The following CDH18 variants were observed in gnomAD, a reference collection of about 807,000 sequenced individuals.
The protein encoded by CDH18 is cadherin-18.
Under a neutral mutation model 67.9 loss-of-function variants are expected in CDH18, and 31 were observed. The observed-to-expected ratio is 0.46, with a 90% CI of 0.34 to 0.62. The LOEUF is 0.62. Ranked by LOEUF, CDH18 falls within the 20% of genes least tolerant of loss-of-function variation. CDH18 has a pLI of 0.01. For synonymous variants in CDH18, 362 were observed against 347.2 expected (o/e 1.04, Z -0.48); for missense variants, 890 against 975.5 (o/e 0.91, Z 1.17).
intron 1 of CDH18, chr5:20,305,422 G>C: frequency 6.5e-7 from 1 of 1,526,904 alleles, no homozygotes; most frequent in South Asian, 1.1e-5. Flanking sequence ...ATTCCTATCT[G>C]TCAGTTCCTT....
chr5:19,932,002 TTCAC>T (rs1412125166), intron 2 of CDH18, among the ~76,000 whole-genome samples: 1 of 151,904 alleles, frequency 6.6e-6, no homozygotes, highest in African/African-American at 2.4e-5. Context: ...CTCTGTTCTC[TTCAC>T]TCAATCTTTC....
chr5:19,505,175 G>A (rs1743910561), intron 10 of CDH18, among the ~76,000 whole-genome samples: 1 of 152,082 alleles, frequency 6.6e-6, no homozygotes, highest in East Asian at 1.9e-4. Context: ...TTTGTATCCT[G>A]AGACTTTGCT....
At chr5:19,665,306 AT>A (rs1336971670) in intron 5 of CDH18, among the ~76,000 whole-genome samples, 1 of 152,042 alleles carries the variant, frequency 6.6e-6, no homozygotes, top group African/African-American at 2.4e-5. Context: ...AAGTAAAAGA[AT>A]AATTGGGAAT....
chr5:20,022,317 C>A (rs1393989011), intron 2 of CDH18, among the ~76,000 whole-genome samples: 1 of 152,126 alleles, frequency 6.6e-6, no homozygotes, highest in Non-Finnish European at 1.5e-5. Flanking sequence ...GGTTTGGAAC[C>A]TAATTTGCCA....
chr5:20,217,373 G>A (rs1318326263), intron 2 of CDH18, among the ~76,000 whole-genome samples: 6 of 151,962 alleles, frequency 3.9e-5, no homozygotes, highest in Admixed American at 6.6e-5. Flanking sequence ...GGAAAAAGCA[G>A]AGGTTGAAGT....
At chr5:19,750,146 C>A (rs1268895310) in intron 3 of CDH18, among the ~76,000 whole-genome samples, 3 of 151,906 alleles carry the variant, frequency 2.0e-5, no homozygotes, top group Non-Finnish European at 2.9e-5. Flanking sequence ...AACGGGAAAC[C>A]ATTGTAGTAG....
intron 2 of CDH18, among the ~76,000 whole-genome samples, chr5:20,026,017 T>C (rs1738864145): frequency 6.6e-6 from 1 of 152,228 alleles, no homozygotes; most frequent in South Asian, 2.1e-4. Flanking sequence ...ATTGTCAAAA[T>C]ATGTTAAATA....
At chr5:20,276,321 T>G (rs1204801992) in intron 1 of CDH18, among the ~76,000 whole-genome samples, 2 of 152,114 alleles carry the variant, frequency 1.3e-5, no homozygotes, top group Non-Finnish European at 2.9e-5. Flanking sequence ...TAAAAATAAC[T>G]TTGTCTTGCA....
chr5:20,241,068 A>C (rs1031405265), intron 2 of CDH18, among the ~76,000 whole-genome samples: 5 of 151,978 alleles, frequency 3.3e-5, no homozygotes, highest in Non-Finnish European at 7.3e-5. Context: ...TCATTTCAAA[A>C]ATATGAGAAA....
chr5:19,504,298 A>G (rs905752221), intron 10 of CDH18, among the ~76,000 whole-genome samples: 1 of 152,040 alleles, frequency 6.6e-6, no homozygotes, highest in African/African-American at 2.4e-5. Context: ...CCTTTCCATC[A>G]CTGCTCAAAA....
chr5:20,492,646 G>T (rs1159675678), intron 1 of CDH18, among the ~76,000 whole-genome samples: 1 of 151,862 alleles, frequency 6.6e-6, no homozygotes, highest in Non-Finnish European at 1.5e-5. Flanking sequence ...ATAAGTAAAT[G>T]GTATAATAAG....
intron 3 of CDH18, among the ~76,000 whole-genome samples, chr5:19,747,779 C>T (rs1351314978): frequency 1.3e-5 from 2 of 151,492 alleles, no homozygotes; most frequent in Admixed American, 6.6e-5. Context: ...GAAATCACCT[C>T]TAATATAAAG....
intron 1 of CDH18, among the ~76,000 whole-genome samples, chr5:20,375,516 A>C (rs1743341787): frequency 6.6e-6 from 1 of 152,212 alleles, no homozygotes; most frequent in Admixed American, 6.5e-5. Context: ...AACAAGCAAC[A>C]GTTTATTAAA....
chr5:19,951,348 A>T (rs1795764217), intron 2 of CDH18, among the ~76,000 whole-genome samples: 3 of 152,218 alleles, frequency 2.0e-5, no homozygotes, highest in African/African-American at 4.8e-5. Context: ...TAGAACAAGC[A>T]GGACATCCTT....
intron 12 of CDH18, among the ~76,000 whole-genome samples, chr5:19,482,153 T>C (rs926027173): frequency 6.6e-6 from 1 of 152,118 alleles, no homozygotes; most frequent in Non-Finnish European, 1.5e-5. Flanking sequence ...TCTCACTTTG[T>C]TGCCCAGGCT....
At chr5:20,254,850 C>G (rs1319681656) in intron 2 of CDH18, among the ~76,000 whole-genome samples, 1 of 151,558 alleles carries the variant, frequency 6.6e-6, no homozygotes, top group South Asian at 2.1e-4. Context: ...ATGGCAAAGA[C>G]ATGGAATCAG....
At chr5:20,457,299 T>A (rs578111646) in intron 1 of CDH18, among the ~76,000 whole-genome samples, 7 of 152,286 alleles carry the variant, frequency 4.6e-5, no homozygotes, top group African/African-American at 1.4e-4. Flanking sequence ...CATGTAAAAA[T>A]TGCTGATGTT....
chr5:19,787,152 T>A (rs2149800977), intron 3 of CDH18, among the ~76,000 whole-genome samples: 1 of 152,278 alleles, frequency 6.6e-6, no homozygotes, highest in African/African-American at 2.4e-5. Context: ...GAGATATCTT[T>A]GCCTTGGCCT....
intron 1 of CDH18, among the ~76,000 whole-genome samples, chr5:20,380,303 C>T (rs1262158837): frequency 3.3e-5 from 5 of 152,034 alleles, no homozygotes; most frequent in African/African-American, 1.2e-4. Flanking sequence ...ATTTAAAGAT[C>T]CTAAACTTCA....
Sources: allele counts gnomAD v4.1 joint callset (sites outside exome capture counted in the v4.1 genomes callset), GRCh38; gene constraint gnomAD v4.1.1; transcripts MANE v1.5; gene names NCBI Gene and HGNC (gene_info 2026-07-23, HGNC 2026-07-21).